Variants in ANKS1B observed in about 807,000 individuals in gnomAD.
The protein encoded by ANKS1B is ankyrin repeat and sterile alpha motif domain-containing protein 1B.
In ANKS1B, 36 loss-of-function variants were observed where a neutral mutation model predicts 148.3. The ratio of observed to expected loss-of-function variants is 0.24; its 90% CI spans 0.19 to 0.32. The LOEUF (loss-of-function observed/expected upper bound fraction) is 0.32, where lower values mean the gene tolerates loss of function less well. Among genes scored for constraint, ANKS1B ranks in the 10% least tolerant of loss-of-function variants. ANKS1B has a pLI of 1.00. For synonymous variants in ANKS1B, 542 were observed against 560.8 expected, an observed-to-expected ratio of 0.97 and a Z score of 0.47; for missense variants, 1,157 against 1,542.6, an observed-to-expected ratio of 0.75 and a Z score of 4.19.
At chr12:98,785,509 C>T (rs1405115567) in intron 22 of ANKS1B, among the ~76,000 whole-genome samples, 2 of 151,938 alleles carry the variant, frequency 1.3e-5, no homozygotes, top group Non-Finnish European at 2.9e-5. Flanking sequence ...AGGCAAAGAT[C>T]AAAGTTATTG....
At chr12:98,921,711 T>C (rs574319537) in intron 17 of ANKS1B, among the ~76,000 whole-genome samples, 1 of 152,270 alleles carries the variant, frequency 6.6e-6, no homozygotes, top group South Asian at 2.1e-4. Flanking sequence ...TTGATTATAA[T>C]AAATATCTTC....
At chr12:99,311,507 T>C (rs2083171396) in intron 12 of ANKS1B, among the ~76,000 whole-genome samples, 1 of 152,104 alleles carries the variant, frequency 6.6e-6, no homozygotes, top group South Asian at 2.1e-4. Flanking sequence ...ATGAAACAAG[T>C]ATCAATATAG....
chr12:99,618,723 G>A (rs779589504), intron 9 of ANKS1B, among the ~76,000 whole-genome samples: 31 of 151,978 alleles, frequency 2.0e-4, no homozygotes, highest in African/African-American at 6.5e-4. Flanking sequence ...CATTGTGAGC[G>A]CAAGACACCA....
chr12:99,677,830 G>A (rs925636246), intron 8 of ANKS1B, among the ~76,000 whole-genome samples: 14 of 151,914 alleles, frequency 9.2e-5, no homozygotes, highest in East Asian at 7.8e-4. Flanking sequence ...AAAATTAGCC[G>A]GGCGTGGTGG....
At chr12:99,551,341 A>G (rs772996586) in intron 9 of ANKS1B, among the ~76,000 whole-genome samples, 2 of 151,990 alleles carry the variant, frequency 1.3e-5, no homozygotes, top group Non-Finnish European at 1.5e-5. Context: ...TCCCTTCCCC[A>G]CACCTCCATC....
intron 1 of ANKS1B, among the ~76,000 whole-genome samples, chr12:99,924,186 G>A (rs1278749206): frequency 6.6e-6 from 1 of 152,086 alleles, no homozygotes; most frequent in Non-Finnish European, 1.5e-5. Flanking sequence ...GCAACAAGAT[G>A]GATGGTGGTG....
intron 16 of ANKS1B, among the ~76,000 whole-genome samples, chr12:99,068,083 T>G (rs2045032347): frequency 6.6e-6 from 1 of 152,104 alleles, no homozygotes; most frequent in Non-Finnish European, 1.5e-5. Context: ...ATGTATAACA[T>G]CATTCTAGAT....
chr12:99,131,356 A>C (rs1427161593), intron 15 of ANKS1B, among the ~76,000 whole-genome samples: 1 of 152,190 alleles, frequency 6.6e-6, no homozygotes, highest in Non-Finnish European at 1.5e-5. Context: ...TCCAGTTCTT[A>C]GTCATGTCTT....
chr12:98,962,467 G>C (rs1316412468), intron 17 of ANKS1B, among the ~76,000 whole-genome samples: 1 of 151,420 alleles, frequency 6.6e-6, no homozygotes, highest in African/African-American at 2.4e-5. Flanking sequence ...AATTACTAGA[G>C]CTAAAGAGAA....
chr12:99,060,698 C>CAT lies in ANKS1B; in HGVS notation c.2626-7390_2626-7389insAT, dbSNP rs2042147998. On this transcript the variant is annotated intron_variant, in intron 16 of 26. Transcript: ENST00000683438. ...ACACACACACACACACACACACACACACATATATATAGAGAGAGAGAGCCT... is the reference window on the plus strand; with the variant it reads ...ACACACACACACACACACACACACACATACATATATATAGAGAGAGAGAGCCT... Among the ~76,000 whole-genome samples the CAT allele has an allele frequency of 1.4e-4, 6 of 42,122 alleles. No homozygotes were observed. The South Asian group carries it at 2.1e-3, about 15-fold the overall frequency. The allele number at this position is 42,122 out of a possible 152,430, so 27.6% of individuals were successfully genotyped here.
At chr12:99,894,586 A>G (rs2093312561) in intron 1 of ANKS1B, among the ~76,000 whole-genome samples, 1 of 139,768 alleles carries the variant, frequency 7.2e-6, no homozygotes, top group Non-Finnish European at 1.7e-5. Flanking sequence ...TTTCAACTTT[A>G]ACTTGGTGCA....
intron 1 of ANKS1B, among the ~76,000 whole-genome samples, chr12:99,900,264 T>C (rs1198935392): frequency 1.3e-5 from 2 of 150,886 alleles, no homozygotes; most frequent in African/African-American, 2.4e-5. Context: ...TCCCAGCACT[T>C]TGGGAGGCCG....
chr12:99,869,617 G>A (rs2091226102), intron 1 of ANKS1B, among the ~76,000 whole-genome samples: 1 of 151,664 alleles, frequency 6.6e-6, no homozygotes, highest in Non-Finnish European at 1.5e-5. Flanking sequence ...AGAGGCAAAG[G>A]TTGTGGTGGG....
intron 11 of ANKS1B, among the ~76,000 whole-genome samples, chr12:99,441,473 TA>T (rs2095549014): frequency 6.6e-6 from 1 of 151,958 alleles, no homozygotes; most frequent in Non-Finnish European, 1.5e-5. Context: ...CTGAAGGTCA[TA>T]ACTCATATGG....
chr12:98,793,902 T>C (rs1319992695), intron 22 of ANKS1B, among the ~76,000 whole-genome samples: 2 of 152,242 alleles, frequency 1.3e-5, no homozygotes, highest in South Asian at 2.1e-4. Flanking sequence ...TGGGTAAGCC[T>C]AGGGAGGCAA....
At chr12:99,618,475 A>C (rs1290812272) in intron 9 of ANKS1B, among the ~76,000 whole-genome samples, 1 of 152,160 alleles carries the variant, frequency 6.6e-6, no homozygotes, top group African/African-American at 2.4e-5. Context: ...TCAAGAAGGA[A>C]AATGGGAATC....
chr12:99,603,200 C>T (rs2097820481), intron 9 of ANKS1B, among the ~76,000 whole-genome samples: 1 of 152,042 alleles, frequency 6.6e-6, no homozygotes, highest in African/African-American at 2.4e-5. Flanking sequence ...TGCATATTGG[C>T]TCTTTTTAAG....
At chr12:99,400,022 G>A (rs980775814) in intron 11 of ANKS1B, among the ~76,000 whole-genome samples, 15 of 152,082 alleles carry the variant, frequency 9.9e-5, no homozygotes, top group African/African-American at 3.4e-4. Context: ...TTATGGCATA[G>A]TTGATGTGAT....
chr12:98,962,401 T>TAA (rs1168486802), intron 17 of ANKS1B, among the ~76,000 whole-genome samples: 2 of 148,744 alleles, frequency 1.3e-5, no homozygotes, highest in Non-Finnish European at 3.0e-5. Flanking sequence ...TATATATATA[T>TAA]AATATATAAT....
Sources: allele counts gnomAD v4.1 joint callset (sites outside exome capture counted in the v4.1 genomes callset), GRCh38; gene constraint gnomAD v4.1.1; transcripts MANE v1.5; gene names NCBI Gene and HGNC (gene_info 2026-07-23, HGNC 2026-07-21).